CYP2C8: variants seen among roughly 807,000 people sequenced by gnomAD.
CYP2C8 encodes the protein cytochrome P450 2C8.
In CYP2C8, 51 loss-of-function variants were observed where a neutral mutation model predicts 41.3. The ratio of observed to expected loss-of-function variants is 1.24; its 90% CI spans 0.99 to 1.56. CYP2C8 has a LOEUF of 1.56. CYP2C8 is among the 40% of genes most tolerant of loss of function. The pLI, the probability that CYP2C8 is intolerant of heterozygous loss-of-function variation, is 0.00. For synonymous variants in CYP2C8, 218 were observed against 205.8 expected (o/e 1.06, Z -0.51); for missense variants, 651 against 579.9 (o/e 1.12, Z -1.26).
chr10:95,062,801 GC>G (rs1480395382), intron 4 of CYP2C8, among the ~76,000 whole-genome samples: 3 of 152,112 alleles, frequency 2.0e-5, no homozygotes, highest in Non-Finnish European at 4.4e-5. Flanking sequence ...CATGTTTAGT[GC>G]TTCCTTCAGG....
In CYP2C8 at chr10:95,058,406, C is replaced by G; in HGVS notation, c.748G>C (p.Glu250Gln). ...TRSYIREKVK[E>Q]HQASLDVNNP... The stretch of plus-strand genomic sequence containing the variant: ...TTAACATCCAGTGATGCTTGGTGTT[C>G]TTTTACTTTCTCCCTAATGTAACTT... Residue 250 changes from glutamate (E) to glutamine (Q), a missense_variant, in exon 5 of 9, where the codon GAA becomes CAA. Transcript: ENST00000371270. 6.2e-7 allele frequency: 1 copy of G among 1,613,496 alleles called. No homozygotes were observed. Among genetic ancestry groups the G allele is most frequent in the Non-Finnish European group, 8.5e-7 (1 of 1,179,698 alleles).
Position 95,043,045 on chromosome 10 carries a change from C to A in CYP2C8, c.994G>T (p.Gly332Cys), listed in dbSNP as rs750902318. 8.1e-6 allele frequency: 13 copies of A among 1,614,108 alleles called. No homozygotes were observed. Among genetic ancestry groups the A allele is most frequent in the Non-Finnish European group, 1.1e-5 (13 of 1,180,022 alleles). Residue 332 changes from glycine to cysteine, a missense_variant, in exon 7 of 9, where the codon GGC becomes TGC. Physicochemically the swap from Gly to Cys is radical, Grantham distance 159. Coordinates refer to ENST00000371270, the MANE Select transcript of CYP2C8 (RefSeq NM_000770.3). ...KVQEEIDHVI[G>C]RHRSPCMQDR... ...TGCATGCAGGGGCTCCTGTGTCTGC[C>A]AATTACATGATCAATCTCTTCCTGG...
intron 4 of CYP2C8, among the ~76,000 whole-genome samples, chr10:95,060,196 T>G (rs1300119304): frequency 1.3e-5 from 2 of 152,038 alleles, no homozygotes; most frequent in Non-Finnish European, 2.9e-5. Context: ...CATTGGTGCT[T>G]GATGGGGATG....
Position 95,069,487 on chromosome 10 carries a change from C to T in CYP2C8, c.-85G>A. On this transcript the variant is annotated 5_prime_UTR_variant, in exon 1 of 9. Coordinates refer to ENST00000371270, the MANE Select transcript of CYP2C8 (RefSeq NM_000770.3). ...CTCCCTGCTAATTTAGTGTGTGTCT[C>T]TTTGACATGTAAAGTAAACAATCAC... 2 of 1,105,422 alleles carry T rather than the reference C, an allele frequency of 1.8e-6. No homozygotes were observed. Among genetic ancestry groups the T allele is most frequent in the Non-Finnish European group, 2.7e-6 (2 of 731,752 alleles). The allele number at this position is 1,105,422 out of a possible 1,614,324, so 68.5% of individuals were successfully genotyped here.
chr10:95,041,074 A>G, intron 7 of CYP2C8: 1 of 428,078 alleles, frequency 2.3e-6, no homozygotes, highest in Non-Finnish European at 4.7e-6. Flanking sequence ...ACTTATGTAT[A>G]TTTAGTGAGG....
chr10:95,036,935 A>C lies in CYP2C8; in HGVS notation c.*193T>G. ...GCAGCAATTAATACAAGTGTTACAG[A>C]GTATGAATAATTGCAGATATATTTG... On this transcript the variant is annotated 3_prime_UTR_variant, in exon 9 of 9. Transcript: ENST00000371270. 1 of 645,444 alleles carries C rather than the reference A, an allele frequency of 1.5e-6. No individual in the cohort carries two copies. The highest frequency in any genetic ancestry group is 2.8e-6 in the Non-Finnish European group (1 of 354,686). The allele number at this position is 645,444 out of a possible 1,614,324, so 40.0% of individuals were successfully genotyped here. A position where few individuals can be genotyped will look rare whatever the true frequency, so the allele number is the denominator to read the frequency against.
chr10:95,067,112 C>T, intron 3 of CYP2C8, 96 bp downstream of exon 3: 5 of 1,552,154 alleles, frequency 3.2e-6, no homozygotes, highest in Non-Finnish European at 4.4e-6. Flanking sequence ...CCAGGATGCG[C>T]AATGAAGACC....
chr10:95,067,184 A>G (rs2033586866), intron 3 of CYP2C8, 24 bp downstream of exon 3: 4 of 1,613,940 alleles, frequency 2.5e-6, no homozygotes, highest in African/African-American at 1.3e-5. Context: ...GTTAAGGTCA[A>G]TGACGCAGAG....
rs2134403065 is a variant in CYP2C8 at position 95,036,779 on chromosome 10, G to A, written c.*349C>T. 1 of 318,538 alleles carries A rather than the reference G, an allele frequency of 3.1e-6. No individual in the cohort carries two copies. Among genetic ancestry groups the A allele is most frequent in the Middle Eastern group, 1.1e-3 (1 of 924 alleles). 19.7% of individuals were successfully genotyped at this position (318,538 alleles called of 1,614,324 possible). A position where few individuals can be genotyped will look rare whatever the true frequency, so the allele number is the denominator to read the frequency against. Reference sequence around the variant, plus strand: ...GAGGGAAAGTCTGAGAACTGAACCAGCAATTAATAACACTTTTTATTTAGC... The same window carrying A: ...GAGGGAAAGTCTGAGAACTGAACCAACAATTAATAACACTTTTTATTTAGC... On this transcript the variant is annotated 3_prime_UTR_variant, in exon 9 of 9. Transcript: ENST00000371270.
At chr10:95,068,737 C>T (rs1007648930) in intron 1 of CYP2C8, 1 of 634,618 alleles carries the variant, frequency 1.6e-6, no homozygotes, top group Non-Finnish European at 2.5e-6. Context: ...CATCAACTCA[C>T]TCCGCTATTT....
rs2033591692 is a variant in CYP2C8 at position 95,067,333 on chromosome 10, C to T, written c.356G>A (p.Arg119Lys). Residue 119 changes from arginine (R) to lysine (K), a missense_variant, in exon 3 of 9, where the codon AGA (arginine) becomes AAA (lysine). Transcript: ENST00000371270. ...GGAGAAACGCCGGATCTCCTTCCAT[C>T]TCTTTCCATTGCTGGAAATGATTCC... is the stretch of plus-strand genomic sequence containing the variant. ...GLGIISSNGK[R>K]WKEIRRFSLT... 6.2e-7 allele frequency: 1 copy of T among 1,613,408 alleles called. No individual in the cohort carries two copies. Among genetic ancestry groups the T allele is most frequent in the Non-Finnish European group, 8.5e-7 (1 of 1,179,980 alleles).
intron 6 of CYP2C8, among the ~76,000 whole-genome samples, chr10:95,045,269 A>G (rs1412873863): frequency 6.6e-6 from 1 of 152,336 alleles, no homozygotes; most frequent in African/African-American, 2.4e-5. Context: ...TCCTAGAATA[A>G]TAAAATTCCT....
At position 95,064,907 on chromosome 10, in the gene CYP2C8, A is replaced by G; in HGVS notation, c.535T>C (p.Cys179Arg). ...ILGCAPCNVICSVVFQKRFDY... is the reference protein window; with the variant it reads ...ILGCAPCNVIRSVVFQKRFDY... ...AATCGTTTCTGGAAAACAACGGAGC[A>G]GATCACATTGCAGGGAGCACAGCCC... Residue 179 changes from cysteine (C) to arginine (R), a missense_variant, in exon 4 of 9, where the codon TGC becomes CGC. Coordinates refer to ENST00000371270, the MANE Select transcript of CYP2C8 (RefSeq NM_000770.3). 1 of 1,613,456 alleles carries G rather than the reference A, an allele frequency of 6.2e-7. No homozygotes were observed. Among genetic ancestry groups the G allele is most frequent in the Non-Finnish European group, 8.5e-7 (1 of 1,179,966 alleles).
Position 95,069,390 on chromosome 10 carries a change from CA to C in CYP2C8, c.12del (p.Phe4LeufsTer42). 1 of 1,614,146 alleles carries C rather than the reference CA, an allele frequency of 6.2e-7. No individual in the cohort carries two copies. MEPFVVLVLCLSFM... is the reference protein window; with the variant it reads MEPXVVLVLCLSFM... ...AAAGAGAGACACAGCACCAGGACCA[CA>C]AAAGGTTCCATTGAAGCCTTCTCTT... On this transcript the variant is annotated frameshift_variant, in exon 1 of 9. Transcript: ENST00000371270. LOFTEE classifies it high-confidence loss of function.
chr10:95,055,162 T>A (rs1173320050), intron 5 of CYP2C8, among the ~76,000 whole-genome samples: 1 of 152,076 alleles, frequency 6.6e-6, no homozygotes, highest in African/African-American at 2.4e-5. Context: ...TATATGCAAC[T>A]ACAGGGAGAG....
At chr10:95,042,742 C>T (rs1207074853) in intron 7 of CYP2C8, 148 bp downstream of exon 7, 4 of 725,356 alleles carry the variant, frequency 5.5e-6, no homozygotes, top group East Asian at 5.2e-5. Context: ...TCTTTATAGC[C>T]CCAAACAAAA....
intron 5 of CYP2C8, among the ~76,000 whole-genome samples, chr10:95,057,110 G>A (rs894516571): frequency 2.6e-5 from 4 of 152,100 alleles, no homozygotes; most frequent in Non-Finnish European, 4.4e-5. Context: ...TGGGTGCCAT[G>A]GAAAGGGGAG....
At chr10:95,068,917 C>T (rs539148839) in intron 1 of CYP2C8, among the ~76,000 whole-genome samples, 2 of 151,966 alleles carry the variant, frequency 1.3e-5, no homozygotes, top group Non-Finnish European at 2.9e-5. Flanking sequence ...AAAAATTAGC[C>T]GGGCATGGTG....
At chr10:95,057,990 G>C (rs2033343616) in intron 5 of CYP2C8, among the ~76,000 whole-genome samples, 1 of 152,160 alleles carries the variant, frequency 6.6e-6, no homozygotes, top group Non-Finnish European at 1.5e-5. Context: ...CTTTTCCATT[G>C]TCACATAATC....
Sources: allele counts gnomAD v4.1 joint callset (sites outside exome capture counted in the v4.1 genomes callset), GRCh38; gene constraint gnomAD v4.1.1; transcripts MANE v1.5; gene names NCBI Gene and HGNC (gene_info 2026-07-23, HGNC 2026-07-21).